PPP1R9A: variants seen among roughly 807,000 people sequenced by gnomAD.
PPP1R9A encodes the protein protein phosphatase 1 regulatory subunit 9A, also known as neurabin-1.
In PPP1R9A, 59 loss-of-function variants were observed where a neutral mutation model predicts 141.9. The observed-to-expected ratio is 0.42, with a 90% CI of 0.34 to 0.52. The LOEUF (loss-of-function observed/expected upper bound fraction) is 0.52. Ranked by LOEUF, PPP1R9A falls within the 20% of genes least tolerant of loss-of-function variation. The pLI, the probability that PPP1R9A is intolerant of heterozygous loss-of-function variation, is 0.10. For synonymous variants in PPP1R9A, 500 were observed against 569.7 expected (o/e 0.88, Z 1.74); for missense variants, 1,444 against 1,611.9 (o/e 0.90, Z 1.78).
At chr7:95,243,889 T>C (rs1797779459) in intron 8 of PPP1R9A, among the ~76,000 whole-genome samples, 1 of 152,094 alleles carries the variant, frequency 6.6e-6, no homozygotes, top group South Asian at 2.1e-4. Context: ...TGGGCTGGGA[T>C]TTCTAAAACC....
chr7:95,023,343 A>G (rs1478173126), intron 2 of PPP1R9A, among the ~76,000 whole-genome samples: 1 of 151,148 alleles, frequency 6.6e-6, no homozygotes, highest in Non-Finnish European at 1.5e-5. Context: ...ATCATTTTTA[A>G]TTGCATCTAT....
chr7:95,026,850 A>G (rs950688445), intron 2 of PPP1R9A, among the ~76,000 whole-genome samples: 2 of 152,150 alleles, frequency 1.3e-5, no homozygotes, highest in Non-Finnish European at 2.9e-5. Flanking sequence ...AGCTCTGCCC[A>G]GCTGGAACTT....
intron 2 of PPP1R9A, among the ~76,000 whole-genome samples, chr7:94,983,031 A>G (rs183841871): frequency 5.9e-5 from 9 of 152,302 alleles, no homozygotes; most frequent in Non-Finnish European, 1.3e-4. Flanking sequence ...TCAGCTTTCT[A>G]CATATGGCTA....
At chr7:94,964,079 G>T (rs1797940857) in intron 2 of PPP1R9A, among the ~76,000 whole-genome samples, 1 of 152,134 alleles carries the variant, frequency 6.6e-6, no homozygotes, top group Non-Finnish European at 1.5e-5. Context: ...CTTGTCACAA[G>T]AAGTCAGGTG....
chr7:95,224,944 A>T (rs1002519332), intron 7 of PPP1R9A, among the ~76,000 whole-genome samples: 1 of 151,392 alleles, frequency 6.6e-6, no homozygotes, highest in African/African-American at 2.4e-5. Flanking sequence ...TTGTTTTTTT[A>T]ACCCTGTCAG....
chr7:95,128,499 C>A (rs1449848495), intron 4 of PPP1R9A, among the ~76,000 whole-genome samples: 1 of 152,100 alleles, frequency 6.6e-6, no homozygotes, highest in African/African-American at 2.4e-5. Flanking sequence ...TTTTGCTGTG[C>A]AGAATCTCTT....
intron 2 of PPP1R9A, among the ~76,000 whole-genome samples, chr7:94,915,873 G>A (rs1033458653): frequency 6.6e-6 from 1 of 152,176 alleles, no homozygotes; most frequent in African/African-American, 2.4e-5. Flanking sequence ...AGGTACAGCC[G>A]TAGCTTTGCT....
At chr7:95,244,346 C>T (rs926911729) in intron 8 of PPP1R9A, among the ~76,000 whole-genome samples, 1 of 152,050 alleles carries the variant, frequency 6.6e-6, no homozygotes, top group Non-Finnish European at 1.5e-5. Flanking sequence ...TGTATTTATT[C>T]ACAAGAAGGA....
chr7:95,191,412 C>A (rs1182773568), intron 5 of PPP1R9A, among the ~76,000 whole-genome samples: 1 of 152,118 alleles, frequency 6.6e-6, no homozygotes. Flanking sequence ...GTATAGTGAT[C>A]ATATCATGGT....
chr7:95,283,050 C>T (rs889046570), intron 16 of PPP1R9A, among the ~76,000 whole-genome samples: 7 of 152,076 alleles, frequency 4.6e-5, no homozygotes, highest in Non-Finnish European at 5.9e-5. Context: ...TCTGTGTTAT[C>T]GTGGTATCAG....
intron 7 of PPP1R9A, among the ~76,000 whole-genome samples, chr7:95,204,883 C>G (rs1195883111): frequency 6.8e-6 from 1 of 146,924 alleles, no homozygotes; most frequent in East Asian, 2.1e-4. Flanking sequence ...CCCTCACACA[C>G]CACACACACC....
chr7:95,247,433 C>G, intron 8 of PPP1R9A, 40 bp from the exon 9 acceptor site: 1 of 1,513,792 alleles, frequency 6.6e-7, no homozygotes, highest in East Asian at 2.3e-5. Context: ...TATAGATACA[C>G]TTTCTTAGTT....
chr7:95,237,181 T>TA lies in PPP1R9A; in HGVS notation c.2113-10292_2113-10291insA, dbSNP rs1314898039. On this transcript the variant is annotated intron_variant, in intron 8 of 19. Transcript: ENST00000433360. ...TGTGTATGTGTATATATATATATATTTTTTTTTTTTTATGGTTTTTTGTTT... is the reference window on the plus strand; with the variant it reads ...TGTGTATGTGTATATATATATATATTATTTTTTTTTTTATGGTTTTTTGTTT... Among the ~76,000 whole-genome samples the TA allele has an allele frequency of 3.1e-3, 388 of 123,218 alleles. 2 individuals carry two copies. Among genetic ancestry groups the TA allele is most frequent in the South Asian group, 7.1e-3 (29 of 4,070 alleles). 80.8% of individuals were successfully genotyped at this position (123,218 alleles called of 152,430 possible). A position where few individuals can be genotyped will look rare whatever the true frequency, so the allele number is the denominator to read the frequency against.
At chr7:94,931,999 A>G (rs1794221244) in intron 2 of PPP1R9A, among the ~76,000 whole-genome samples, 1 of 152,216 alleles carries the variant, frequency 6.6e-6, no homozygotes, top group Non-Finnish European at 1.5e-5. Context: ...CTGAGTCTTC[A>G]GTGACCTGGC....
intron 2 of PPP1R9A, chr7:95,037,244 A>T (rs1370299238): frequency 6.6e-6 from 1 of 152,048 alleles, no homozygotes; most frequent in African/African-American, 2.4e-5. Flanking sequence ...AATTTCCATT[A>T]TTAGTAATGG....
chr7:95,010,647 G>GT (rs780726944), intron 2 of PPP1R9A, among the ~76,000 whole-genome samples: 3 of 152,102 alleles, frequency 2.0e-5, no homozygotes, highest in African/African-American at 4.8e-5. Context: ...AGATGGAGTA[G>GT]TCCCTTATGT....
intron 2 of PPP1R9A, among the ~76,000 whole-genome samples, chr7:94,980,498 C>T (rs1451310169): frequency 6.6e-6 from 1 of 152,086 alleles, no homozygotes; most frequent in African/African-American, 2.4e-5. Context: ...CACTCTGTCG[C>T]TCAGGCTAGA....
At chr7:95,235,115 T>C (rs1290110471) in intron 8 of PPP1R9A, among the ~76,000 whole-genome samples, 1 of 152,124 alleles carries the variant, frequency 6.6e-6, no homozygotes, top group Admixed American at 6.6e-5. Flanking sequence ...GGCAAAGAGT[T>C]CATGACCAAG....
At chr7:94,960,157 TTCTC>T (rs1273141755) in intron 2 of PPP1R9A, among the ~76,000 whole-genome samples, 3 of 150,966 alleles carry the variant, frequency 2.0e-5, no homozygotes, top group South Asian at 2.1e-4. Context: ...ATGGACTTCT[TTCTC>T]TCTCTCTCTT....
Sources: allele counts gnomAD v4.1 joint callset (sites outside exome capture counted in the v4.1 genomes callset), GRCh38; gene constraint gnomAD v4.1.1; transcripts MANE v1.5; gene names NCBI Gene and HGNC (gene_info 2026-07-23, HGNC 2026-07-21).